Variants in CCNT1 observed in about 807,000 individuals in gnomAD.
CCNT1 encodes the protein cyclin T1, also known as cyclin-T1.
A neutral mutation model predicts 67.3 loss-of-function variants in CCNT1; 18 were observed. The ratio of observed to expected loss-of-function variants is 0.27; its 90% CI spans 0.18 to 0.40. CCNT1 has a LOEUF of 0.40. CCNT1 is among the 10% of genes least tolerant of loss of function. CCNT1 has a pLI of 1.00. For synonymous variants in CCNT1, 333 were observed against 310.3 expected (o/e 1.07, Z -0.77); for missense variants, 744 against 884.9 (o/e 0.84, Z 2.02).
At chr12:48,715,189 G>A (rs558322123) in intron 1 of CCNT1, among the ~76,000 whole-genome samples, 16 of 152,306 alleles carry the variant, frequency 1.1e-4, no homozygotes, top group African/African-American at 3.6e-4. Context: ...CGAACAAAAA[G>A]ATTTAACTCC....
intron 8 of CCNT1, among the ~76,000 whole-genome samples, chr12:48,695,180 C>A (rs1156452023): frequency 6.6e-6 from 1 of 152,166 alleles, no homozygotes; most frequent in Non-Finnish European, 1.5e-5. Context: ...CTCTGCCACT[C>A]ACTCAACTCA....
chr12:48,709,488 C>A (rs1940415284), intron 2 of CCNT1, among the ~76,000 whole-genome samples: 2 of 152,124 alleles, frequency 1.3e-5, no homozygotes, highest in African/African-American at 4.8e-5. Context: ...AAGACTATCC[C>A]ATGAAACATA....
intron 2 of CCNT1, among the ~76,000 whole-genome samples, chr12:48,708,636 T>C (rs955161248): frequency 1.3e-5 from 2 of 152,130 alleles, no homozygotes; most frequent in Non-Finnish European, 2.9e-5. Flanking sequence ...CTAATAGGGC[T>C]GCACTAAATA....
intron 2 of CCNT1, among the ~76,000 whole-genome samples, chr12:48,710,184 G>C (rs1297172430): frequency 6.6e-6 from 1 of 151,752 alleles, no homozygotes; most frequent in African/African-American, 2.4e-5. Flanking sequence ...GAGTCAACAC[G>C]CCCAGCCTCT....
intron 6 of CCNT1, among the ~76,000 whole-genome samples, chr12:48,696,775 T>C (rs912103393): frequency 6.6e-6 from 1 of 152,220 alleles, no homozygotes. Flanking sequence ...AGGGATATCA[T>C]TGGTTTCCAT....
chr12:48,708,382 A>C (rs986742923), intron 2 of CCNT1, among the ~76,000 whole-genome samples: 1 of 152,052 alleles, frequency 6.6e-6, no homozygotes, highest in African/African-American at 2.4e-5. Context: ...CTCCATATCT[A>C]CTAAAAATAC....
intron 5 of CCNT1, 77 bp downstream of exon 5, chr12:48,699,701 T>A (rs947399034): frequency 1.1e-5 from 11 of 959,526 alleles, no homozygotes; most frequent in Non-Finnish European, 1.8e-5. Flanking sequence ...AGAACTATTA[T>A]GTATTGTCCA....
chr12:48,707,690 T>G (rs927686751), intron 2 of CCNT1, among the ~76,000 whole-genome samples: 3 of 152,190 alleles, frequency 2.0e-5, no homozygotes, highest in Admixed American at 6.5e-5. Flanking sequence ...AAAAATAAAT[T>G]TTTAAAACAA....
intron 2 of CCNT1, among the ~76,000 whole-genome samples, chr12:48,714,202 C>T (rs1384854239): frequency 1.3e-5 from 2 of 152,246 alleles, no homozygotes; most frequent in Non-Finnish European, 2.9e-5. Context: ...GCCACTGCAC[C>T]CGGCCTAATC....
At chr12:48,714,398 A>G in intron 2 of CCNT1, 45 bp downstream of exon 2, 1 of 1,187,854 alleles carries the variant, frequency 8.4e-7, no homozygotes, top group Non-Finnish European at 1.3e-6. Flanking sequence ...AGGTAGGTGG[A>G]ATCAATCACA....
intron 4 of CCNT1, among the ~76,000 whole-genome samples, chr12:48,700,115 C>T (rs944459497): frequency 1.3e-5 from 2 of 151,902 alleles, no homozygotes; most frequent in Non-Finnish European, 2.9e-5. Context: ...GTCAGGAGAT[C>T]AAGACCATCC....
intron 2 of CCNT1, among the ~76,000 whole-genome samples, chr12:48,713,893 G>T (rs1481337520): frequency 6.6e-6 from 1 of 151,786 alleles, no homozygotes; most frequent in Non-Finnish European, 1.5e-5. Flanking sequence ...CTGATAATCT[G>T]TTTTTTGGGG....
intron 3 of CCNT1, among the ~76,000 whole-genome samples, chr12:48,702,058 G>T (rs1339179372): frequency 2.0e-5 from 3 of 151,920 alleles, no homozygotes; most frequent in Non-Finnish European, 4.4e-5. Flanking sequence ...CACCACGCCC[G>T]GCTAGTTTTT....
rs74766149 is a variant in CCNT1, at chr12:48,713,770, C to A, written c.243+673G>T. Among the ~76,000 whole-genome samples, 887 of 152,314 alleles carry A rather than the reference C, an allele frequency of 5.8e-3. 7 individuals carry two copies. Among genetic ancestry groups the A allele is most frequent in the African/African-American group, 0.019 (809 of 41,570 alleles). On this transcript the variant is annotated intron_variant, in intron 2 of 8. Transcript: ENST00000261900. ...CTGCATTCCACCATGGACAACAGGG[C>A]AAGACCCTGCCTGTCTCCCTACCCC...
chr12:48,702,291 G>A (rs1317693914), intron 3 of CCNT1, among the ~76,000 whole-genome samples: 1 of 152,236 alleles, frequency 6.6e-6, no homozygotes, highest in Non-Finnish European at 1.5e-5. Flanking sequence ...GCTCCTATTA[G>A]AACTTCCCCT....
rs1304340006 is a variant in CCNT1 at position 48,692,048 on chromosome 12, G to A, written c.*985C>T. ...TGAAAAAAAAGACACACCCAATTCT[G>A]TAGGGCAGAAGCTGGCCTTGCTCGC... On this transcript the variant is annotated 3_prime_UTR_variant, in exon 9 of 9. Coordinates refer to ENST00000261900, the MANE Select transcript of CCNT1 (RefSeq NM_001240.4). 1 of 152,024 alleles carries A rather than the reference G, an allele frequency of 6.6e-6. No individual in the cohort carries two copies. The highest frequency in any genetic ancestry group is 2.4e-5 in the African/African-American group (1 of 41,366). The allele number at this position is 152,024 out of a possible 1,614,324, so 9.4% of individuals were successfully genotyped here.
Position 48,693,327 on chromosome 12 carries a change from G to A in CCNT1, c.1887C>T (p.Ser629=). 1.2e-6 allele frequency: 2 copies of A among 1,614,220 alleles called. No homozygotes were observed. The highest frequency in any genetic ancestry group is 1.3e-5 in the African/African-American group (1 of 75,058). Residue 629 remains serine (S), a synonymous_variant, in exon 9 of 9, where the codon AGC becomes AGT. Transcript: ENST00000261900. ...TCGAATGAGGGACACGAGTTTTACA[G>A]CTGGGCTGTGAAAAGGAAAGGCCAC... ...DTSGLSFSQP[S]CKTRVPHSKL...
intron 3 of CCNT1, among the ~76,000 whole-genome samples, chr12:48,702,311 T>C (rs1940283984): frequency 6.6e-6 from 1 of 152,244 alleles, no homozygotes; most frequent in African/African-American, 2.4e-5. Flanking sequence ...TTTGGGGCCA[T>C]GTTAGGTTTC....
rs1373600090 is a variant in CCNT1 at position 48,705,893 on chromosome 12, C to G, written c.247G>C (p.Val83Leu). ...QSFTQFPGNSVAPAALFLAAK... is the reference protein window; with the variant it reads ...QSFTQFPGNSLAPAALFLAAK... ...GCTAGAAACAAGGCTGCTGGAGCCA[C>G]AGACTGAATGGAGAGAAAATAAATC... Residue 83 changes from valine (V) to leucine (L), a missense_variant, in exon 3 of 9, where the codon GTG becomes CTG. This residue lies in a region of CCNT1 where 142 missense variants were observed against 277.0 expected (regional missense o/e 0.51). Transcript: ENST00000261900. 6.2e-7 allele frequency: 1 copy of G among 1,610,818 alleles called. No homozygotes were observed. The highest frequency in any genetic ancestry group is 8.5e-7 in the Non-Finnish European group (1 of 1,179,134).
Sources: allele counts gnomAD v4.1 joint callset (sites outside exome capture counted in the v4.1 genomes callset), GRCh38; gene constraint gnomAD v4.1.1; regional missense constraint gnomAD v4.1.1; transcripts MANE v1.5; gene names NCBI Gene and HGNC (gene_info 2026-07-23, HGNC 2026-07-21).